The following TF variants were observed in gnomAD, a reference collection of about 807,000 sequenced individuals.
TF encodes transferrin.
A neutral mutation model predicts 82.4 loss-of-function variants in TF; 55 were observed. That is an observed-to-expected ratio of 0.67 (90% confidence interval 0.54 to 0.84). The LOEUF is 0.84. Ranked by LOEUF, TF falls within the 40% of genes least tolerant of loss-of-function variation. TF has a pLI of 0.00. For synonymous variants in TF, 332 were observed against 332.6 expected, an observed-to-expected ratio of 1.00 and a Z score of 0.02; for missense variants, 737 against 868.4, an observed-to-expected ratio of 0.85 and a Z score of 1.90.
At chr3:133,732,629 A>T in the TF span, among the ~76,000 whole-genome samples, 58,517 of 152,094 alleles carry the variant, frequency 0.38, 11,814 homozygotes, top group South Asian at 0.5. Flanking sequence ...AACAGTCATC[A>T]TGAAGGTCTG....
chr3:133,754,215 A>G (rs1335723274), intron 3 of TF: 4 of 475,652 alleles, frequency 8.4e-6, no homozygotes, highest in Non-Finnish European at 1.5e-5. Flanking sequence ...GTGTAGGCAG[A>G]CACGCTGCAG....
In TF at chr3:133,782,925, G is replaced by A. The variant is rs564779500; in HGVS notation, c.*4305G>A. On this transcript the variant is annotated 3_prime_UTR_variant, in exon 17 of 17. Coordinates refer to ENST00000402696, the MANE Select transcript of TF (RefSeq NM_001063.4). ...CCCACCTGTAGTCCCAGCTACTCAG[G>A]AGGATGGATTGAGCCTGGGAGGTCG... The A allele has an allele frequency of 6.6e-6, 1 of 152,300 alleles. No homozygotes were observed. The highest frequency in any genetic ancestry group is 6.5e-5 in the Admixed American group (1 of 15,296). The allele number at this position is 152,300 out of a possible 1,614,324, so 9.4% of individuals were successfully genotyped here. A position where few individuals can be genotyped will look rare whatever the true frequency, so the allele number is the denominator to read the frequency against.
At chr3:133,718,343 A>C in the TF span, among the ~76,000 whole-genome samples, 7 of 152,122 alleles carry the variant, frequency 4.6e-5, no homozygotes, top group South Asian at 1.5e-3. Flanking sequence ...TGGTGAGGAC[A>C]TGTTTGCTGG....
At chr3:133,711,850 C>G in the TF span, among the ~76,000 whole-genome samples, 1 of 152,076 alleles carries the variant, frequency 6.6e-6, no homozygotes, top group Non-Finnish European at 1.5e-5. Flanking sequence ...CCCTGCCCCC[C>G]ACTGCACTCA....
intron 8 of TF, 52 bp from the exon 9 acceptor site, chr3:133,759,123 C>A: frequency 1.2e-6 from 2 of 1,611,932 alleles, no homozygotes; most frequent in African/African-American, 2.7e-5. Flanking sequence ...CTGACAAACA[C>A]CAGGCAACAG....
At chr3:133,704,595 C>T in the TF span, among the ~76,000 whole-genome samples, 1 of 152,130 alleles carries the variant, frequency 6.6e-6, no homozygotes, top group African/African-American at 2.4e-5. Flanking sequence ...TGCAAGTCAC[C>T]CTTACCTTAA....
In TF at chr3:133,792,257, T is replaced by C. The variant is rs1472602452; in HGVS notation, c.*13637T>C. 6.6e-6 allele frequency: 1 copy of C among 152,080 alleles called. No homozygotes were observed. The highest frequency in any genetic ancestry group is 2.4e-5 in the African/African-American group (1 of 41,410). The allele number at this position is 152,080 out of a possible 1,614,324, so 9.4% of individuals were successfully genotyped here. On this transcript the variant is annotated 3_prime_UTR_variant, in exon 17 of 17. Transcript: ENST00000402696. Reference sequence around the variant, plus strand: ...TATATCGTAAATTCGTGTCCTAAAGTAAAATAAGCGGTTGTTAAAAAAGAG... The same window carrying C: ...TATATCGTAAATTCGTGTCCTAAAGCAAAATAAGCGGTTGTTAAAAAAGAG...
Position 133,790,494 on chromosome 3 carries a change from C to A in TF, c.*11874C>A, listed in dbSNP as rs1318446582. The A allele has an allele frequency of 6.6e-6, 1 of 151,976 alleles. No individual in the cohort carries two copies. Among genetic ancestry groups the A allele is most frequent in the Non-Finnish European group, 1.5e-5 (1 of 67,998 alleles). The allele number at this position is 151,976 out of a possible 1,614,324, so 9.4% of individuals were successfully genotyped here. ...ACTTATGAAACAATGTAGTAAGGAA[C>A]CAGTAAGTAGAGGAGAACGATATGG... On this transcript the variant is annotated 3_prime_UTR_variant, in exon 17 of 17. Transcript: ENST00000402696.
Position 133,792,497 on chromosome 3 carries a change from G to T in TF, c.*13877G>T, listed in dbSNP as rs1406533933. On this transcript the variant is annotated 3_prime_UTR_variant, in exon 17 of 17. Transcript: ENST00000402696. Reference sequence around the variant, plus strand: ...CTGAGACACGTGGAGTCAGATGCTGGAGTCAGACCTTAAGTGTACTTCTCT... The same window carrying T: ...CTGAGACACGTGGAGTCAGATGCTGTAGTCAGACCTTAAGTGTACTTCTCT... The T allele has an allele frequency of 6.6e-6, 1 of 152,154 alleles. No individual in the cohort carries two copies. Among genetic ancestry groups the T allele is most frequent in the African/African-American group, 2.4e-5 (1 of 41,436 alleles). 9.4% of individuals were successfully genotyped at this position (152,154 alleles called of 1,614,324 possible).
the TF span, among the ~76,000 whole-genome samples, chr3:133,730,954 A>C: frequency 1.2e-4 from 18 of 152,370 alleles, no homozygotes; most frequent in Non-Finnish European, 2.1e-4. Flanking sequence ...ATATGTACTT[A>C]AAAGGCCTAT....
chr3:133,774,836 G>C (rs538251800), intron 14 of TF: 1 of 243,624 alleles, frequency 4.1e-6, no homozygotes, highest in South Asian at 4.8e-5. Flanking sequence ...CAGGAGGAAG[G>C]AGCTGAAACC....
upstream of TF, chr3:133,746,274 G>T: frequency 2.7e-6 from 2 of 734,204 alleles, no homozygotes; most frequent in South Asian, 1.6e-5. Context: ...GAGTAAGGAA[G>T]GGGGGTTGGG....
intron 14 of TF, chr3:133,773,946 C>T (rs569268381): frequency 1.5e-4 from 23 of 152,478 alleles, no homozygotes; most frequent in African/African-American, 4.3e-4. Flanking sequence ...CCTTTCCTCC[C>T]GCAGAGAGGC....
intron 4 of TF, among the ~76,000 whole-genome samples, 165 bp from the exon 5 acceptor site, chr3:133,755,198 T>C (rs1256281884): frequency 6.6e-6 from 1 of 152,232 alleles, no homozygotes; most frequent in East Asian, 1.9e-4. Flanking sequence ...CTTGTTCCTA[T>C]TAGAAATCCT....
the TF span, among the ~76,000 whole-genome samples, chr3:133,694,526 C>T: frequency 6.6e-6 from 1 of 152,226 alleles, no homozygotes; most frequent in African/African-American, 2.4e-5. Context: ...CCACAGAGCA[C>T]TCTTCTGTGT....
chr3:133,753,752 A>G (rs759865727), intron 3 of TF, 49 bp downstream of exon 3: 2 of 1,439,858 alleles, frequency 1.4e-6, no homozygotes, highest in East Asian at 2.3e-5. Flanking sequence ...CTTATTCTAT[A>G]TGCTGAGTGC....
At chr3:133,734,254 C>G in the TF span, among the ~76,000 whole-genome samples, 1 of 152,124 alleles carries the variant, frequency 6.6e-6, no homozygotes, top group Non-Finnish European at 1.5e-5. Context: ...ACACCTGGCA[C>G]CCAGAATTTG....
In TF at chr3:133,754,928, A is replaced by G. The variant is rs1458826650; in HGVS notation, c.502+257A>G. 8.5e-5 allele frequency among the ~76,000 whole-genome samples: 13 copies of G among 152,216 alleles called. No homozygotes were observed. In the South Asian group the frequency reaches 1.2e-3, roughly 15 times the overall value. On this transcript the variant is annotated intron_variant, in intron 4 of 16. Transcript: ENST00000402696. ...GTGAGGAAAGGGCGCAAGGCTCGGCAGAGGGTTTCAGTCTAGGCGATGGTG... is the reference window on the plus strand; with the variant it reads ...GTGAGGAAAGGGCGCAAGGCTCGGCGGAGGGTTTCAGTCTAGGCGATGGTG...
the TF span, among the ~76,000 whole-genome samples, chr3:133,689,966 A>G: frequency 1.8e-4 from 28 of 152,182 alleles, no homozygotes; most frequent in African/African-American, 6.5e-4. Flanking sequence ...TAATAAGGCA[A>G]ACTTGCCAAA....
Sources: allele counts gnomAD v4.1 joint callset (sites outside exome capture counted in the v4.1 genomes callset), GRCh38; gene constraint gnomAD v4.1.1; transcripts MANE v1.5; gene names NCBI Gene and HGNC (gene_info 2026-07-23, HGNC 2026-07-21).